Variants in CACNA2D1 observed in about 807,000 individuals in gnomAD.
CACNA2D1 encodes calcium voltage-gated channel auxiliary subunit alpha2delta 1, also known as voltage-dependent calcium channel subunit alpha-2/delta-1.
In CACNA2D1, 53 loss-of-function variants were observed where a neutral mutation model predicts 171.5. The ratio of observed to expected loss-of-function variants is 0.31; its 90% CI spans 0.25 to 0.39. The LOEUF (loss-of-function observed/expected upper bound fraction) is 0.39, where lower values mean the gene tolerates loss of function less well. Among genes scored for constraint, CACNA2D1 ranks in the 10% least tolerant of loss-of-function variants. The pLI is 1.00. For missense variants in CACNA2D1, 903 were observed against 1,299.8 expected (o/e 0.69, Z 4.69); for synonymous variants, 442 against 443.1 (o/e 1.00, Z 0.03).
At chr7:82,146,698 CA>C (rs1188704387) in intron 4 of CACNA2D1, among the ~76,000 whole-genome samples, 5 of 150,880 alleles carry the variant, frequency 3.3e-5, no homozygotes, top group Admixed American at 2.0e-4. Context: ...GCAACTATTA[CA>C]AATTCGGCCA....
intron 1 of CACNA2D1, among the ~76,000 whole-genome samples, chr7:82,363,260 T>C (rs1478936920): frequency 9.0e-6 from 1 of 110,816 alleles, no homozygotes; most frequent in Admixed American, 8.7e-5. Flanking sequence ...GTCTCTTTTT[T>C]TTTTTTTTTT....
chr7:82,055,530 T>G (rs1164303170), intron 10 of CACNA2D1, among the ~76,000 whole-genome samples: 1 of 151,596 alleles, frequency 6.6e-6, no homozygotes, highest in Non-Finnish European at 1.5e-5. Flanking sequence ...CCAACAATGA[T>G]AGACTGGATT....
At chr7:82,118,107 C>A (rs371409515) in intron 5 of CACNA2D1, among the ~76,000 whole-genome samples, 2 of 152,170 alleles carry the variant, frequency 1.3e-5, no homozygotes, top group East Asian at 3.9e-4. Flanking sequence ...TAATTTCAAC[C>A]AATTTGACTC....
chr7:82,059,137 A>C (rs750794019), intron 10 of CACNA2D1, among the ~76,000 whole-genome samples: 1 of 152,152 alleles, frequency 6.6e-6, no homozygotes, highest in Non-Finnish European at 1.5e-5. Context: ...TTTCAGAGAC[A>C]GATCCATTTT....
rs576668721 is a variant in CACNA2D1 at position 82,301,415 on chromosome 7, G to A, written c.294+33720C>T. 7.2e-5 allele frequency among the ~76,000 whole-genome samples: 11 copies of A among 152,168 alleles called. No individual in the cohort carries two copies. The South Asian group carries it at 1.2e-3, about 17-fold the overall frequency. On this transcript the variant is annotated intron_variant, in intron 3 of 38. Coordinates refer to ENST00000356860, the MANE Select transcript of CACNA2D1 (RefSeq NM_000722.4). The stretch of plus-strand genomic sequence containing the variant: ...GCTGGGATTATAAGCGTGAGCCACC[G>A]TGCCCAGCCAGGTTTGCTATCTTAA...
At chr7:81,983,851 G>T (rs569765294) in intron 22 of CACNA2D1, among the ~76,000 whole-genome samples, 1 of 152,270 alleles carries the variant, frequency 6.6e-6, no homozygotes, top group African/African-American at 2.4e-5. Flanking sequence ...CTTACTTTAA[G>T]ATCAGATGTA....
chr7:82,205,590 A>G (rs1174099676), intron 3 of CACNA2D1, among the ~76,000 whole-genome samples: 1 of 152,222 alleles, frequency 6.6e-6, no homozygotes, highest in African/African-American at 2.4e-5. Context: ...CATATTTGCT[A>G]TATTTTCCCG....
At chr7:82,081,804 C>G (rs1584675693) in intron 7 of CACNA2D1, among the ~76,000 whole-genome samples, 1 of 152,278 alleles carries the variant, frequency 6.6e-6, no homozygotes, top group South Asian at 2.1e-4. Flanking sequence ...GGCCTGCACT[C>G]CAGCGTGGTT....
intron 6 of CACNA2D1, among the ~76,000 whole-genome samples, chr7:82,098,144 T>TA (rs1273617938): frequency 6.6e-6 from 1 of 151,458 alleles, no homozygotes; most frequent in East Asian, 1.9e-4. Context: ...ATAAAAAAAA[T>TA]AAAAAAATAA....
intron 3 of CACNA2D1, among the ~76,000 whole-genome samples, chr7:82,175,661 T>C (rs1362261153): frequency 6.6e-6 from 1 of 152,082 alleles, no homozygotes; most frequent in Non-Finnish European, 1.5e-5. Flanking sequence ...TATGGTACAA[T>C]GAACATGCAC....
chr7:82,299,155 C>T (rs1017385327), intron 3 of CACNA2D1, among the ~76,000 whole-genome samples: 1 of 151,066 alleles, frequency 6.6e-6, no homozygotes, highest in African/African-American at 2.4e-5. Flanking sequence ...GCTTATCATA[C>T]AAACATGTTG....
At chr7:82,330,331 A>G (rs1817161920) in intron 3 of CACNA2D1, among the ~76,000 whole-genome samples, 2 of 152,158 alleles carry the variant, frequency 1.3e-5, no homozygotes, top group African/African-American at 4.8e-5. Flanking sequence ...TAATCTTCAA[A>G]TACATAAAAT....
chr7:82,280,686 A>T (rs915459194), intron 3 of CACNA2D1, among the ~76,000 whole-genome samples: 6 of 152,008 alleles, frequency 3.9e-5, no homozygotes, highest in East Asian at 3.9e-4. Flanking sequence ...ATTTTAATTT[A>T]ATTTTATTTT....
At chr7:82,401,682 T>G (rs1826442502) in intron 1 of CACNA2D1, among the ~76,000 whole-genome samples, 1 of 151,734 alleles carries the variant, frequency 6.6e-6, no homozygotes, top group Admixed American at 6.6e-5. Flanking sequence ...AATGTGCATA[T>G]GTACCCTAAA....
chr7:82,329,032 C>T (rs1045193392), intron 3 of CACNA2D1, among the ~76,000 whole-genome samples: 1 of 151,752 alleles, frequency 6.6e-6, no homozygotes, highest in African/African-American at 2.4e-5. Flanking sequence ...AGTTAAAATC[C>T]CTACAGATAA....
chr7:82,125,684 C>G (rs904783727), intron 5 of CACNA2D1, among the ~76,000 whole-genome samples: 2 of 151,972 alleles, frequency 1.3e-5, no homozygotes, highest in Non-Finnish European at 2.9e-5. Context: ...TGAGGCCAGT[C>G]TGAACAACAT....
At chr7:82,233,544 T>C (rs1168539833) in intron 3 of CACNA2D1, among the ~76,000 whole-genome samples, 3 of 152,234 alleles carry the variant, frequency 2.0e-5, no homozygotes, top group East Asian at 1.9e-4. Flanking sequence ...ACCTCTTCCA[T>C]TTCTTCCCTG....
intron 1 of CACNA2D1, among the ~76,000 whole-genome samples, chr7:82,360,483 C>G (rs148204826): frequency 0.014 from 2,206 of 152,214 alleles, 42 homozygotes; most frequent in Middle Eastern, 0.075. Context: ...ATTTTACTTA[C>G]AACCAGAAGT....
At chr7:82,198,552 C>T (rs1304887697) in intron 3 of CACNA2D1, among the ~76,000 whole-genome samples, 6 of 151,956 alleles carry the variant, frequency 3.9e-5, no homozygotes, top group African/African-American at 1.5e-4. Context: ...AAGTCAGGCA[C>T]CAGTTTTTAC....
Sources: gnomAD v4.1 joint callset for allele counts (sites outside exome capture counted in the v4.1 genomes callset) on GRCh38, gnomAD v4.1.1 for gene constraint, MANE v1.5 for transcripts, NCBI Gene and HGNC (gene_info 2026-07-23, HGNC 2026-07-21) for gene names.